Variants in VIPR2 observed in about 807,000 individuals in gnomAD.
VIPR2 encodes the protein vasoactive intestinal peptide receptor 2, also known as vasoactive intestinal polypeptide receptor 2.
A neutral mutation model predicts 58.0 loss-of-function variants in VIPR2; 48 were observed. The observed-to-expected ratio is 0.83, with a 90% CI of 0.66 to 1.05. The LOEUF (loss-of-function observed/expected upper bound fraction) is 1.05, where lower values mean the gene tolerates loss of function less well. VIPR2 is among the 50% of genes least tolerant of loss of function. The pLI, the probability that VIPR2 is intolerant of heterozygous loss-of-function variation, is 0.00. For missense variants in VIPR2, 534 were observed against 558.0 expected (o/e 0.96, Z 0.43); for synonymous variants, 243 against 235.2 (o/e 1.03, Z -0.30).
chr7:159,077,243 A>G (rs546236524), intron 4 of VIPR2, among the ~76,000 whole-genome samples: 1 of 152,332 alleles, frequency 6.6e-6, no homozygotes, highest in Admixed American at 6.5e-5. Flanking sequence ...ACTACAGTGT[A>G]CCTGTTATCA....
intron 2 of VIPR2, among the ~76,000 whole-genome samples, chr7:159,130,356 G>C (rs1395377089): frequency 6.6e-6 from 1 of 152,158 alleles, no homozygotes; most frequent in Non-Finnish European, 1.5e-5. Flanking sequence ...TAAATGATTG[G>C]CAGCCATTAT....
rs776763902 is a variant in VIPR2, at chr7:159,031,397, C to T, written c.1143+431G>A. The stretch of plus-strand genomic sequence containing the variant: ...GACAGCCTCCCTGGCTGGGAATGAA[C>T]GCAGGGCAGAGCTCGGCTCCGGGCT... On this transcript the variant is annotated intron_variant, in intron 12 of 12. Transcript: ENST00000262178. This position sits in a 1 kb window ranked among gnomAD's most constrained non-coding sequence, Gnocchi z 4.0. 39 of 978,632 alleles carry T rather than the reference C, an allele frequency of 4.0e-5. No homozygotes were observed. Among genetic ancestry groups the T allele is most frequent in the Non-Finnish European group, 4.6e-5 (38 of 823,758 alleles). The allele number at this position is 978,632 out of a possible 1,614,324, so 60.6% of individuals were successfully genotyped here.
intron 4 of VIPR2, among the ~76,000 whole-genome samples, chr7:159,063,499 G>A (rs890301721): frequency 1.3e-5 from 2 of 151,882 alleles, no homozygotes; most frequent in African/African-American, 2.4e-5. Flanking sequence ...CCCGGTTCCC[G>A]CCCGCGCCTC....
chr7:159,100,343 A>G (rs1045409614), intron 4 of VIPR2, among the ~76,000 whole-genome samples: 1 of 151,938 alleles, frequency 6.6e-6, no homozygotes. Context: ...TCACAGTAAC[A>G]CCTGCCAATG....
chr7:159,121,802 C>T (rs182697288), intron 2 of VIPR2, among the ~76,000 whole-genome samples: 5 of 152,116 alleles, frequency 3.3e-5, no homozygotes, highest in Admixed American at 6.5e-5. Context: ...TAATAGAGGC[C>T]GAAAATGCTT....
chr7:159,116,613 C>T (rs989553347), intron 2 of VIPR2, among the ~76,000 whole-genome samples: 25 of 152,184 alleles, frequency 1.6e-4, no homozygotes, highest in Admixed American at 1.4e-3. Context: ...TTCAGAAAAA[C>T]GGACCCTGTG....
At chr7:159,037,809 A>C (rs972716993) in intron 6 of VIPR2, among the ~76,000 whole-genome samples, 1 of 150,334 alleles carries the variant, frequency 6.7e-6, no homozygotes, top group African/African-American at 2.5e-5. Context: ...AGCTTATATA[A>C]AGTGTGCTGA....
intron 4 of VIPR2, among the ~76,000 whole-genome samples, chr7:159,070,010 G>A (rs1186233351): frequency 7.9e-5 from 12 of 152,124 alleles, no homozygotes. Context: ...AGGCCTGGTG[G>A]ACATTTCCCT....
intron 4 of VIPR2, among the ~76,000 whole-genome samples, chr7:159,075,686 T>C (rs2730225): frequency 0.95 from 141,059 of 148,792 alleles, 66,885 homozygotes; most frequent in East Asian, 1. Flanking sequence ...AGCCCAGGGC[T>C]GGCACCACAG....
At chr7:159,088,856 A>T (rs139669703) in intron 4 of VIPR2, among the ~76,000 whole-genome samples, 93 of 122,816 alleles carry the variant, frequency 7.6e-4, no homozygotes, top group South Asian at 4.8e-3. Context: ...CTCAGGCCTC[A>T]GCTCCTCATC....
At chr7:159,140,967 T>C (rs1797443068) in intron 2 of VIPR2, among the ~76,000 whole-genome samples, 1 of 152,220 alleles carries the variant, frequency 6.6e-6, no homozygotes, top group South Asian at 2.1e-4. Flanking sequence ...TTGCAAACTT[T>C]TAAGAAAGTG....
chr7:159,049,283 C>T (rs1291863606), intron 5 of VIPR2, among the ~76,000 whole-genome samples: 1 of 151,838 alleles, frequency 6.6e-6, no homozygotes, highest in Admixed American at 6.5e-5. Flanking sequence ...AGAGGACCTC[C>T]ACTTGTGGCC....
chr7:159,083,106 G>T lies in VIPR2; in HGVS notation c.357+20651C>A, dbSNP rs139029302. Among the ~76,000 whole-genome samples, 260 of 152,268 alleles carry T rather than the reference G, an allele frequency of 1.7e-3. 1 individual carries two copies. The highest frequency in any genetic ancestry group is 5.9e-3 in the African/African-American group (244 of 41,548). On this transcript the variant is annotated intron_variant, in intron 4 of 12. Transcript: ENST00000262178. ...CTTCCTGAACCAACTATCCCTGCCT[G>T]TCCCTGGTCCCACCTGTCCTACCTG... is the stretch of plus-strand genomic sequence containing the variant.
chr7:159,103,714 A>G, intron 4 of VIPR2, 43 bp downstream of exon 4: 4 of 1,480,616 alleles, frequency 2.7e-6, no homozygotes, highest in Non-Finnish European at 3.8e-6. Flanking sequence ...GTGCAGTGTT[A>G]GGAAGTGGAA....
chr7:159,136,587 G>A (rs1370077071), intron 2 of VIPR2, among the ~76,000 whole-genome samples: 1 of 152,090 alleles, frequency 6.6e-6, no homozygotes, highest in East Asian at 1.9e-4. Flanking sequence ...CACACACTGA[G>A]GAGCTGTGTG....
chr7:159,094,479 G>A (rs895430333), intron 4 of VIPR2, among the ~76,000 whole-genome samples: 18 of 152,224 alleles, frequency 1.2e-4, no homozygotes, highest in African/African-American at 3.9e-4. Flanking sequence ...GGCCCAGGTC[G>A]TGGCCACGTG....
chr7:159,050,931 T>C (rs1854970319), intron 5 of VIPR2, among the ~76,000 whole-genome samples: 1 of 152,216 alleles, frequency 6.6e-6, no homozygotes, highest in African/African-American at 2.4e-5. Context: ...CAGCTGACTT[T>C]TCAGAAGAGG....
At chr7:159,134,101 A>T (rs1407076909) in intron 2 of VIPR2, among the ~76,000 whole-genome samples, 2 of 152,240 alleles carry the variant, frequency 1.3e-5, no homozygotes, top group African/African-American at 4.8e-5. Flanking sequence ...CCCAAATAAG[A>T]TAAACTACTA....
intron 1 of VIPR2, among the ~76,000 whole-genome samples, chr7:159,143,102 G>A (rs954884700): frequency 6.6e-6 from 1 of 152,238 alleles, no homozygotes; most frequent in African/African-American, 2.4e-5. Flanking sequence ...GGAGGCAGAG[G>A]TGGGGGAATC....
Sources: gnomAD v4.1 joint callset for allele counts (sites outside exome capture counted in the v4.1 genomes callset) on GRCh38, gnomAD v4.1.1 for gene constraint, Gnocchi (gnomAD v3.1) non-coding constraint, MANE v1.5 for transcripts, NCBI Gene and HGNC (gene_info 2026-07-23, HGNC 2026-07-21) for gene names.